Variants in FGF7 observed in about 807,000 individuals in gnomAD.
FGF7 encodes FGF-7.
Under a neutral mutation model 20.5 loss-of-function variants are expected in FGF7, and 6 were observed. The observed-to-expected ratio is 0.29, with a 90% CI of 0.16 to 0.58. The LOEUF (loss-of-function observed/expected upper bound fraction) is 0.58. Ranked by LOEUF, FGF7 falls within the 20% of genes least tolerant of loss-of-function variation. FGF7 has a pLI of 0.90. For missense variants in FGF7, 144 were observed against 228.8 expected (o/e 0.63, Z 2.39); for synonymous variants, 64 against 74.7 (o/e 0.86, Z 0.74).
Position 49,485,005 on chromosome 15 carries a change from G to C in FGF7, c.*501G>C, listed in dbSNP as rs867465970. 1 of 151,954 alleles carries C rather than the reference G, an allele frequency of 6.6e-6. No individual in the cohort carries two copies. The highest frequency in any genetic ancestry group is 2.4e-5 in the African/African-American group (1 of 41,360). The allele number at this position is 151,954 out of a possible 1,614,324, so 9.4% of individuals were successfully genotyped here. A position where few individuals can be genotyped will look rare whatever the true frequency, so the allele number is the denominator to read the frequency against. ...TGAGCAGCATTTTAAATGCTTTCTA[G>C]TGAAAAATTATAATCTACTTAAACT... On this transcript the variant is annotated 3_prime_UTR_variant, in exon 4 of 4. Coordinates refer to ENST00000267843, the MANE Select transcript of FGF7 (RefSeq NM_002009.4).
intron 2 of FGF7, among the ~76,000 whole-genome samples, chr15:49,452,399 GA>G (rs1347674586): frequency 6.6e-6 from 1 of 152,036 alleles, no homozygotes; most frequent in Non-Finnish European, 1.5e-5. Context: ...TCATATTTGT[GA>G]AAATTAAAAT....
At chr15:49,481,784 T>C (rs2055970557) in intron 2 of FGF7, among the ~76,000 whole-genome samples, 1 of 152,182 alleles carries the variant, frequency 6.6e-6, no homozygotes, top group South Asian at 2.1e-4. Flanking sequence ...ATTTTCTTAA[T>C]AAAACCCAAT....
intron 2 of FGF7, among the ~76,000 whole-genome samples, chr15:49,471,269 T>G (rs1316028411): frequency 6.6e-6 from 1 of 151,706 alleles, no homozygotes; most frequent in East Asian, 1.9e-4. Flanking sequence ...GTGGATCACC[T>G]AGGTCAGGAG....
intron 2 of FGF7, among the ~76,000 whole-genome samples, chr15:49,458,009 C>T (rs916864609): frequency 4.6e-5 from 7 of 151,784 alleles, no homozygotes; most frequent in African/African-American, 1.4e-4. Context: ...TCCCCAAAAG[C>T]ACAATATTCA....
Position 49,488,171 on chromosome 15 carries a change from T to A in FGF7, c.*3667T>A, listed in dbSNP as rs1261493443. The A allele has an allele frequency of 2.0e-5, 3 of 151,832 alleles. No homozygotes were observed. The highest frequency in any genetic ancestry group is 4.4e-5 in the Non-Finnish European group (3 of 67,902). The allele number at this position is 151,832 out of a possible 1,614,324, so 9.4% of individuals were successfully genotyped here. ...TCACCCTAAAACAGAGTTGGGAAAA[T>A]ATCTATTAACTGGTCTCTCTGGTTT... On this transcript the variant is annotated 3_prime_UTR_variant, in exon 4 of 4. Coordinates refer to ENST00000267843, the MANE Select transcript of FGF7 (RefSeq NM_002009.4).
intron 2 of FGF7, among the ~76,000 whole-genome samples, chr15:49,453,902 A>G (rs988909084): frequency 2.0e-5 from 3 of 152,148 alleles, no homozygotes; most frequent in African/African-American, 7.2e-5. Flanking sequence ...CCAAAGTGGA[A>G]GCCTTGCATT....
chr15:49,477,213 G>A (rs1434113498), intron 2 of FGF7, among the ~76,000 whole-genome samples: 1 of 152,090 alleles, frequency 6.6e-6, no homozygotes, highest in Admixed American at 6.5e-5. Context: ...TTTATACTAA[G>A]GTCCACGTTT....
intron 2 of FGF7, among the ~76,000 whole-genome samples, chr15:49,476,217 G>GTTT (rs938833498): frequency 9.9e-6 from 1 of 100,548 alleles, no homozygotes; most frequent in Non-Finnish European, 2.2e-5. Context: ...TTGCTGTTTT[G>GTTT]TTTTTTTGTT....
At chr15:49,481,024 C>T (rs1192110127) in intron 2 of FGF7, among the ~76,000 whole-genome samples, 1 of 152,178 alleles carries the variant, frequency 6.6e-6, no homozygotes, top group African/African-American at 2.4e-5. Context: ...TCATGAAAGA[C>T]ACTCTAAACT....
chr15:49,446,452 G>T (rs1302377785), intron 2 of FGF7, among the ~76,000 whole-genome samples: 1 of 151,588 alleles, frequency 6.6e-6, no homozygotes, highest in Non-Finnish European at 1.5e-5. Flanking sequence ...AGTTTCATAT[G>T]AACAAAGGAG....
At chr15:49,453,769 C>T (rs537174314) in intron 2 of FGF7, among the ~76,000 whole-genome samples, 3 of 152,238 alleles carry the variant, frequency 2.0e-5, no homozygotes, top group South Asian at 4.2e-4. Context: ...CACTAGATAG[C>T]TCTCCTGATG....
intron 2 of FGF7, among the ~76,000 whole-genome samples, chr15:49,461,546 A>G (rs1017054431): frequency 6.6e-6 from 1 of 152,196 alleles, no homozygotes; most frequent in Non-Finnish European, 1.5e-5. Flanking sequence ...TGTCTTGTCT[A>G]TCTCTTTGAA....
intron 2 of FGF7, among the ~76,000 whole-genome samples, chr15:49,457,115 T>A (rs2053373310): frequency 6.6e-6 from 1 of 152,016 alleles, no homozygotes; most frequent in Admixed American, 6.6e-5. Flanking sequence ...CAGCAAGACG[T>A]TTGGGTTTCA....
chr15:49,454,928 C>G (rs576218269), intron 2 of FGF7, among the ~76,000 whole-genome samples: 37 of 152,196 alleles, frequency 2.4e-4, no homozygotes, highest in African/African-American at 8.9e-4. Flanking sequence ...TCTTAAAGCA[C>G]TCTCTGCAGG....
At chr15:49,483,949 T>A (rs2056177367) in intron 3 of FGF7, among the ~76,000 whole-genome samples, 1 of 152,042 alleles carries the variant, frequency 6.6e-6, no homozygotes, top group Non-Finnish European at 1.5e-5. Flanking sequence ...TTCTGCTAAT[T>A]ATACCAAATT....
At chr15:49,475,567 TAACA>T (rs1486224229) in intron 2 of FGF7, among the ~76,000 whole-genome samples, 2 of 152,194 alleles carry the variant, frequency 1.3e-5, no homozygotes, top group Non-Finnish European at 2.9e-5. Context: ...AGCAGATATT[TAACA>T]AATAAAATAT....
chr15:49,432,770 C>G (rs112810650), intron 2 of FGF7, among the ~76,000 whole-genome samples: 64 of 151,666 alleles, frequency 4.2e-4, no homozygotes, highest in African/African-American at 1.5e-3. Flanking sequence ...GAATACTGGA[C>G]AGAAATCCAG....
At chr15:49,447,479 A>G (rs2052331197) in intron 2 of FGF7, among the ~76,000 whole-genome samples, 1 of 151,686 alleles carries the variant, frequency 6.6e-6, no homozygotes, top group Non-Finnish European at 1.5e-5. Context: ...TAGTATAGAA[A>G]TCATGCTAGA....
At position 49,424,074 on chromosome 15, in the gene FGF7, G is replaced by T; in HGVS notation, c.-224G>T. 1 of 419,456 alleles carries T rather than the reference G, an allele frequency of 2.4e-6. No homozygotes were observed. 26.0% of individuals were successfully genotyped at this position (419,456 alleles called of 1,614,324 possible). On this transcript the variant is annotated 5_prime_UTR_variant, in exon 2 of 4. Transcript: ENST00000267843. ...GCGTCACAGCAACTGAACTTACTAC[G>T]AACTGTTTTTATGAGGATTTATCAA...
Sources: allele counts gnomAD v4.1 joint callset (sites outside exome capture counted in the v4.1 genomes callset), GRCh38; gene constraint gnomAD v4.1.1; transcripts MANE v1.5; gene names NCBI Gene and HGNC (gene_info 2026-07-23, HGNC 2026-07-21).